The following ELAPOR1 variants were observed in gnomAD, a reference collection of about 807,000 sequenced individuals.
ELAPOR1 encodes the protein endosome-lysosome associated apoptosis and autophagy regulator 1.
In ELAPOR1, 77 loss-of-function variants were observed where a neutral mutation model predicts 119.7. That is an observed-to-expected ratio of 0.64 (90% CI 0.54 to 0.78). ELAPOR1 has a LOEUF of 0.78. Among genes scored for constraint, ELAPOR1 ranks in the 30% least tolerant of loss-of-function variants. ELAPOR1 has a pLI of 0.00. For missense variants in ELAPOR1, 1,115 were observed against 1,270.4 expected (o/e 0.88, Z 1.86); for synonymous variants, 481 against 487.2 (o/e 0.99, Z 0.17).
rs1287274590 is a variant in ELAPOR1, at chr1:109,192,780, G to A, written c.1853G>A (p.Cys618Tyr). ...GYYIDRDSGT[C>Y]HSCPTNTILK... ...TATATTGACCGAGATTCAGGAACCT[G>A]CCACTCCTGCCCCACTAACACAATT... Residue 618 changes from cysteine (C) to tyrosine (Y), a missense_variant, in exon 14 of 22, where the codon TGC becomes TAC. Physicochemically the swap from Cys to Tyr is radical, Grantham distance 194 (BLOSUM62 -2). Coordinates refer to ENST00000369939, the MANE Select transcript of ELAPOR1 (RefSeq NM_020775.5). 6.2e-7 allele frequency: 1 copy of A among 1,613,870 alleles called. No homozygotes were observed. The highest frequency in any genetic ancestry group is 8.5e-7 in the Non-Finnish European group (1 of 1,179,992).
intron 1 of ELAPOR1, among the ~76,000 whole-genome samples, chr1:109,129,520 CAACGAAACAA>C (rs554060805): frequency 3.9e-4 from 60 of 152,048 alleles, no homozygotes; most frequent in Non-Finnish European, 2.8e-4. Context: ...TCAAAAAAAC[CAACGAAACAA>C]AACAAAACAA....
intron 11 of ELAPOR1, 133 bp from the exon 12 acceptor site, chr1:109,191,233 G>A: frequency 1.7e-6 from 1 of 605,618 alleles, no homozygotes; most frequent in South Asian, 2.1e-5. Flanking sequence ...GGGCAGAATT[G>A]GATTTAGTCC....
chr1:109,200,405 C>A (rs1423227620), intron 20 of ELAPOR1, among the ~76,000 whole-genome samples, 168 bp downstream of exon 20: 1 of 152,106 alleles, frequency 6.6e-6, no homozygotes, highest in African/African-American at 2.4e-5. Flanking sequence ...GGGATGGTAC[C>A]ACGTGGCAGT....
intron 7 of ELAPOR1, among the ~76,000 whole-genome samples, chr1:109,179,718 C>G (rs1652581424): frequency 6.6e-6 from 1 of 151,910 alleles, no homozygotes; most frequent in Non-Finnish European, 1.5e-5. Context: ...CCAGCCTGAC[C>G]AACCTGGTGA....
chr1:109,141,269 A>T (rs927459316), intron 1 of ELAPOR1, among the ~76,000 whole-genome samples: 1 of 151,478 alleles, frequency 6.6e-6, no homozygotes, highest in Non-Finnish European at 1.5e-5. Context: ...TTATTAATTA[A>T]TTTTTTTTTG....
rs188430540 is a variant in ELAPOR1, at chr1:109,185,290, G to A, written c.1041+157G>A. ...ACCCTAGGGCTAGGTGGGGTGGGGG[G>A]CAAAACGAGACCTCTTCATTCATTT... On this transcript the variant is annotated intron_variant, in intron 8 of 21. Transcript: ENST00000369939. 6.8e-3 allele frequency among the ~76,000 whole-genome samples: 1,032 copies of A among 152,082 alleles called. 9 individuals carry two copies. Among genetic ancestry groups the A allele is most frequent in the Admixed American group, 0.014 (220 of 15,278 alleles).
In ELAPOR1 at chr1:109,202,973, G is replaced by T; in HGVS notation, c.3003G>T (p.Pro1001=). Residue 1001 remains proline, a synonymous_variant, in exon 22 of 22, where the codon CCG becomes CCT. Transcript: ENST00000369939. ...CTCCTGATGGATTTGACTCAGTGCC[G>T]CTGAAGACATCCTCAGGAGGCCTAG... is the stretch of plus-strand genomic sequence containing the variant. ...KRTPDGFDSV[P]LKTSSGGLDM... is the part of the protein sequence containing the mutation. The T allele has an allele frequency of 6.2e-7, 1 of 1,613,440 alleles. No individual in the cohort carries two copies. The highest frequency in any genetic ancestry group is 8.5e-7 in the Non-Finnish European group (1 of 1,179,758).
intron 1 of ELAPOR1, among the ~76,000 whole-genome samples, chr1:109,122,003 A>G (rs1279790971): frequency 6.7e-6 from 1 of 150,010 alleles, no homozygotes; most frequent in African/African-American, 2.5e-5. Flanking sequence ...CAAACTCCTG[A>G]CCTTGTGATC....
Position 109,176,190 on chromosome 1 carries a change from T to C in ELAPOR1, c.952+2353T>C, listed in dbSNP as rs141447202. On this transcript the variant is annotated intron_variant, in intron 7 of 21. Transcript: ENST00000369939. Reference sequence around the variant, plus strand: ...AATTTGAGAAATAGGACGTGGTTATTTGAGGGAGTTCCAGGGGGTATCGAG... The same window carrying C: ...AATTTGAGAAATAGGACGTGGTTATCTGAGGGAGTTCCAGGGGGTATCGAG... 4.1e-4 allele frequency among the ~76,000 whole-genome samples: 62 copies of C among 152,298 alleles called. No homozygotes were observed. The East Asian group carries it at 0.011, about 28-fold the overall frequency.
intron 1 of ELAPOR1, among the ~76,000 whole-genome samples, chr1:109,132,995 C>T (rs974251487): frequency 6.6e-6 from 1 of 151,962 alleles, no homozygotes; most frequent in Non-Finnish European, 1.5e-5. Flanking sequence ...TTTGTGAGGC[C>T]GAGGCAGGAG....
chr1:109,189,853 T>G (rs1461567735), intron 11 of ELAPOR1, among the ~76,000 whole-genome samples, 171 bp downstream of exon 11: 1 of 152,116 alleles, frequency 6.6e-6, no homozygotes, highest in East Asian at 1.9e-4. Context: ...TGCTATCACG[T>G]TTTTCAAGTT....
chr1:109,126,108 GT>G (rs1464616354), intron 1 of ELAPOR1, among the ~76,000 whole-genome samples: 1 of 152,240 alleles, frequency 6.6e-6, no homozygotes, highest in Non-Finnish European at 1.5e-5. Flanking sequence ...ATTTCATTAA[GT>G]GCTATGCAGG....
intron 1 of ELAPOR1, among the ~76,000 whole-genome samples, chr1:109,126,612 A>C (rs1302780552): frequency 6.6e-6 from 1 of 152,136 alleles, no homozygotes; most frequent in African/African-American, 2.4e-5. Flanking sequence ...CTGGGATTAC[A>C]GGCACGCGCC....
chr1:109,194,334 A>G, intron 14 of ELAPOR1, 87 bp from the exon 15 acceptor site: 1 of 1,254,942 alleles, frequency 8.0e-7, no homozygotes, highest in Non-Finnish European at 1.1e-6. Flanking sequence ...GGGCGGGACC[A>G]GACGGGGGAG....
intron 8 of ELAPOR1, chr1:109,186,823 G>T: frequency 3.0e-6 from 3 of 985,560 alleles, no homozygotes; most frequent in Non-Finnish European, 3.6e-6. Context: ...GGCCTTCTGG[G>T]TCAGTACCGT....
At chr1:109,188,054 C>G in intron 8 of ELAPOR1, 123 bp from the exon 9 acceptor site, 1 of 1,452,220 alleles carries the variant, frequency 6.9e-7, no homozygotes, top group East Asian at 2.5e-5. Flanking sequence ...GTTCCCCACC[C>G]CAGAGGAGCT....
intron 15 of ELAPOR1, 67 bp downstream of exon 15, chr1:109,194,661 A>G (rs1304589323): frequency 2.0e-5 from 30 of 1,469,668 alleles, no homozygotes; most frequent in Middle Eastern, 1.8e-4. Flanking sequence ...AGCCAGAGAC[A>G]GACACAGGAG....
Position 109,130,123 on chromosome 1 carries a change from G to A in ELAPOR1, c.153+15787G>A, listed in dbSNP as rs149906106. Among the ~76,000 whole-genome samples, 103 of 152,292 alleles carry A rather than the reference G, an allele frequency of 6.8e-4. 1 individual carries two copies. The East Asian group carries it at 0.014, about 20-fold the overall frequency. On this transcript the variant is annotated intron_variant, in intron 1 of 21. Coordinates refer to ENST00000369939, the MANE Select transcript of ELAPOR1 (RefSeq NM_020775.5). ...TCTCTGGGTCTTCTCATGGCATAAGGCCTTGAAATTTGGGCCCATCCTAAT... is the reference window on the plus strand; with the variant it reads ...TCTCTGGGTCTTCTCATGGCATAAGACCTTGAAATTTGGGCCCATCCTAAT...
intron 7 of ELAPOR1, among the ~76,000 whole-genome samples, chr1:109,179,004 G>C (rs979299281): frequency 1.3e-5 from 2 of 151,250 alleles, no homozygotes; most frequent in East Asian, 3.9e-4. Flanking sequence ...AAAGGAAAAT[G>C]GTTAGTCCCC....
Sources: gnomAD v4.1 joint callset for allele counts (sites outside exome capture counted in the v4.1 genomes callset) on GRCh38, gnomAD v4.1.1 for gene constraint, MANE v1.5 for transcripts, NCBI Gene and HGNC (gene_info 2026-07-23, HGNC 2026-07-21) for gene names.